PCSK5: variants seen among roughly 807,000 people sequenced by gnomAD.
PCSK5 encodes prohormone convertase 5.
A neutral mutation model predicts 233.2 loss-of-function variants in PCSK5; 129 were observed. The ratio of observed to expected loss-of-function variants is 0.55; its 90% confidence interval spans 0.48 to 0.64. PCSK5 has a LOEUF of 0.64. Among genes scored for constraint, PCSK5 ranks in the 30% least tolerant of loss-of-function variants. The pLI, the probability that PCSK5 is intolerant of heterozygous loss-of-function variation, is 0.00. For missense variants in PCSK5, 2,076 were observed against 2,430.1 expected (o/e 0.85, Z 3.06); for synonymous variants, 825 against 879.2 (o/e 0.94, Z 1.09).
intron 20 of PCSK5, among the ~76,000 whole-genome samples, chr9:76,197,123 A>C (rs759791487): frequency 6.6e-6 from 1 of 152,216 alleles, no homozygotes; most frequent in Non-Finnish European, 1.5e-5. Context: ...TGCTGCATAC[A>C]AGGTGCTTAG....
Position 76,188,560 on chromosome 9 carries a change from C to G in PCSK5, c.2283-18C>G, listed in dbSNP as rs754430517. The G allele has an allele frequency of 1.9e-6, 3 of 1,567,542 alleles. No individual in the cohort carries two copies. The East Asian group carries it at 6.7e-5, about 35-fold the overall frequency. On this transcript the variant is annotated intron_variant, in intron 17 of 37. Transcript: ENST00000674117. ...CATCACAACAGTCTGTTTGAAGCTC[C>G]CTTTATACTTCTTCCAGCCTGCAGG...
In PCSK5 at chr9:76,236,857, G is replaced by A. The variant is rs548070906; in HGVS notation, c.2867-2102G>A. The stretch of plus-strand genomic sequence containing the variant: ...TGAAGAACACTTCCTTCTAAATCTG[G>A]GCCCGTCGTTGCTAATTTTTAAGAT... On this transcript the variant is annotated intron_variant, in intron 22 of 37. Transcript: ENST00000674117. 1.2e-4 allele frequency among the ~76,000 whole-genome samples: 18 copies of A among 152,222 alleles called. No homozygotes were observed. The East Asian group carries it at 1.4e-3, about 11-fold the overall frequency.
chr9:76,222,849 T>C (rs1825772729), intron 20 of PCSK5, among the ~76,000 whole-genome samples: 1 of 146,500 alleles, frequency 6.8e-6, no homozygotes. Context: ...TTATTATAGC[T>C]GGCGAAAAAA....
intron 3 of PCSK5, among the ~76,000 whole-genome samples, chr9:75,989,700 G>A (rs891850716): frequency 7.2e-5 from 11 of 152,110 alleles, no homozygotes; most frequent in Non-Finnish European, 1.6e-4. Flanking sequence ...CTCACCACAG[G>A]GCTGTGTGAA....
intron 3 of PCSK5, among the ~76,000 whole-genome samples, chr9:76,001,330 A>T (rs1587481674): frequency 6.6e-6 from 1 of 152,226 alleles, no homozygotes; most frequent in East Asian, 1.9e-4. Flanking sequence ...AATTAATTGA[A>T]ATATTTCTCT....
intron 1 of PCSK5, among the ~76,000 whole-genome samples, chr9:75,908,887 C>A (rs1038296998): frequency 1.6e-5 from 2 of 121,954 alleles, no homozygotes; most frequent in African/African-American, 6.6e-5. Context: ...ATCTATCTAT[C>A]TATCTATCTA....
In PCSK5 at chr9:76,338,258, T is replaced by C; in HGVS notation, c.4777T>C (p.Cys1593Arg). Residue 1593 changes from cysteine (C) to arginine (R), a missense_variant, in exon 35 of 38, where the codon TGT (cysteine) becomes CGT (arginine). Cys to Arg is a radical substitution (Grantham distance 180). Transcript: ENST00000674117. ...TTACGCAGACAACTCCACTGGCCGG[T>C]GTGAGAGGTGCAACAGGAGCTGCAA... ...GYYADNSTGR[C>R]ERCNRSCKGC... 1 of 1,612,368 alleles carries C rather than the reference T, an allele frequency of 6.2e-7. No individual in the cohort carries two copies. Among genetic ancestry groups the C allele is most frequent in the Non-Finnish European group, 8.5e-7 (1 of 1,179,574 alleles).
intron 20 of PCSK5, among the ~76,000 whole-genome samples, chr9:76,207,453 T>C (rs1309244503): frequency 6.6e-6 from 1 of 152,258 alleles, no homozygotes; most frequent in Non-Finnish European, 1.5e-5. Flanking sequence ...CCTGCAATAC[T>C]CTTTTGTGTG....
intron 20 of PCSK5, among the ~76,000 whole-genome samples, chr9:76,220,878 C>A (rs560539920): frequency 6.6e-6 from 1 of 152,226 alleles, no homozygotes; most frequent in African/African-American, 2.4e-5. Context: ...TCCTGTCTAA[C>A]TGAAATGTTG....
intron 15 of PCSK5, 146 bp downstream of exon 15, chr9:76,179,844 G>C: frequency 1.7e-6 from 1 of 603,192 alleles, no homozygotes; most frequent in Non-Finnish European, 2.9e-6. Context: ...AGAGGCTGCT[G>C]TGCAGGCCGA....
At chr9:76,020,394 C>A (rs1563976467) in intron 3 of PCSK5, among the ~76,000 whole-genome samples, 1 of 152,164 alleles carries the variant, frequency 6.6e-6, no homozygotes, top group South Asian at 2.1e-4. Context: ...GAAGCCTGGG[C>A]CACTTGAAAT....
intron 1 of PCSK5, among the ~76,000 whole-genome samples, chr9:75,902,594 A>G (rs1183304043): frequency 6.6e-6 from 1 of 152,180 alleles, no homozygotes; most frequent in Non-Finnish European, 1.5e-5. Context: ...TGCAGGTGAG[A>G]CGACCAGGCA....
chr9:76,301,518 A>G (rs1328186442), intron 27 of PCSK5, among the ~76,000 whole-genome samples: 2 of 152,228 alleles, frequency 1.3e-5, no homozygotes, highest in South Asian at 2.1e-4. Context: ...ATGAATTACC[A>G]TCCATACAAA....
chr9:75,932,386 C>T lies in PCSK5; in HGVS notation c.200C>T (p.Ala67Val), dbSNP rs757980983. 57 of 1,597,160 alleles carry T rather than the reference C, an allele frequency of 3.6e-5. No homozygotes were observed. The highest frequency in any genetic ancestry group is 1.3e-4 in the Admixed American group (8 of 59,798). ...CCCACCCTTCCTTTGCAGATAGGGG[C>T]CCTGAAGGACTACTACCACTTCTAC... The part of the protein sequence containing the change: ...YGFINIGQIG[A>V]LKDYYHFYHS... Residue 67 changes from alanine to valine, a missense_variant, in exon 2 of 38, where the codon GCC becomes GTC. Physicochemically the swap from Ala to Val is moderately conservative, Grantham distance 64 (BLOSUM62 0). Coordinates refer to ENST00000674117, the MANE Select transcript of PCSK5 (RefSeq NM_001372043.1).
At chr9:75,982,313 G>A (rs924462407) in intron 2 of PCSK5, among the ~76,000 whole-genome samples, 2 of 152,146 alleles carry the variant, frequency 1.3e-5, no homozygotes, top group African/African-American at 2.4e-5. Context: ...ATTCACATGT[G>A]TACATAGGTA....
intron 17 of PCSK5, among the ~76,000 whole-genome samples, chr9:76,185,198 T>C (rs2279659): frequency 0.77 from 117,423 of 152,198 alleles, 45,856 homozygotes; most frequent in Middle Eastern, 0.87. Flanking sequence ...ATCTTAAGTA[T>C]CTCAGGCTTG....
intron 20 of PCSK5, among the ~76,000 whole-genome samples, chr9:76,225,523 G>A (rs1825861805): frequency 6.6e-6 from 1 of 152,194 alleles, no homozygotes; most frequent in African/African-American, 2.4e-5. Context: ...TTCCCACTGA[G>A]TCTGCCTTGG....
intron 3 of PCSK5, among the ~76,000 whole-genome samples, chr9:76,015,253 C>T (rs930804579): frequency 6.6e-5 from 10 of 152,256 alleles, no homozygotes; most frequent in South Asian, 2.1e-4. Flanking sequence ...TGTTGTATTC[C>T]GCCCCTCAAC....
Position 75,958,367 on chromosome 9 carries a change from G to C in PCSK5, c.297+25884G>C, listed in dbSNP as rs1005509874. ...AGTTGGAATGGAGTGCAGCTCAGGG[G>C]AGGAGAATGAAACGAGTTTATTAGG... On this transcript the variant is annotated intron_variant, in intron 2 of 37. Coordinates refer to ENST00000674117, the MANE Select transcript of PCSK5 (RefSeq NM_001372043.1). 2.6e-5 allele frequency among the ~76,000 whole-genome samples: 4 copies of C among 152,202 alleles called. No individual in the cohort carries two copies. The East Asian group carries it at 5.8e-4, about 22-fold the overall frequency.
Sources: allele counts gnomAD v4.1 joint callset (sites outside exome capture counted in the v4.1 genomes callset), GRCh38; gene constraint gnomAD v4.1.1; transcripts MANE v1.5; gene names NCBI Gene and HGNC (gene_info 2026-07-23, HGNC 2026-07-21).